The following PSD3 variants were observed in gnomAD, a reference collection of about 807,000 sequenced individuals.
The protein encoded by PSD3 is pleckstrin and Sec7 domain containing 3, also known as PH and SEC7 domain-containing protein 3.
In PSD3, 49 loss-of-function variants were observed where a neutral mutation model predicts 105.5. The ratio of observed to expected loss-of-function variants is 0.46; its 90% CI spans 0.37 to 0.59. The LOEUF is 0.59. Ranked by LOEUF, PSD3 falls within the 20% of genes least tolerant of loss-of-function variation. The pLI, the probability that PSD3 is intolerant of heterozygous loss-of-function variation, is 0.00. For missense variants in PSD3, 1,561 were observed against 1,263.8 expected (o/e 1.24, Z -3.57); for synonymous variants, 557 against 457.8 (o/e 1.22, Z -2.77).
At chr8:18,669,781 G>A (rs535426633) in intron 9 of PSD3, among the ~76,000 whole-genome samples, 8 of 152,320 alleles carry the variant, frequency 5.3e-5, no homozygotes, top group African/African-American at 1.9e-4. Flanking sequence ...GATAAGGGGC[G>A]AATCCCGTAA....
At chr8:18,708,912 G>C (rs751577774) in intron 9 of PSD3, among the ~76,000 whole-genome samples, 1 of 152,166 alleles carries the variant, frequency 6.6e-6, no homozygotes, top group Non-Finnish European at 1.5e-5. Flanking sequence ...GTCAAGGGAG[G>C]TGGAGAGTGA....
At chr8:18,639,093 T>G (rs1271544826) in intron 10 of PSD3, among the ~76,000 whole-genome samples, 1 of 152,198 alleles carries the variant, frequency 6.6e-6, no homozygotes, top group Non-Finnish European at 1.5e-5. Flanking sequence ...ATGGGCAGCC[T>G]ACAGACAGGC....
intron 10 of PSD3, among the ~76,000 whole-genome samples, chr8:18,638,867 C>G (rs1324292676): frequency 6.6e-6 from 1 of 152,130 alleles, no homozygotes; most frequent in African/African-American, 2.4e-5. Flanking sequence ...CAGCATGATA[C>G]TGGTATAAAA....
At chr8:18,860,157 G>A (rs1030593765) in intron 4 of PSD3, among the ~76,000 whole-genome samples, 5 of 152,148 alleles carry the variant, frequency 3.3e-5, no homozygotes, top group African/African-American at 9.7e-5. Flanking sequence ...GGAGGCCCGA[G>A]AAGAGGGAGA....
intron 4 of PSD3, among the ~76,000 whole-genome samples, chr8:18,862,763 C>T (rs928792539): frequency 6.6e-5 from 10 of 151,982 alleles, no homozygotes; most frequent in African/African-American, 2.4e-4. Flanking sequence ...CAAATTTCTA[C>T]TTCTTATTTC....
chr8:18,632,602 AT>A lies in PSD3; in HGVS notation c.2410+10del. 6.3e-7 allele frequency: 1 copy of A among 1,599,148 alleles called. No homozygotes were observed. The highest frequency in any genetic ancestry group is 1.1e-5 in the South Asian group (1 of 87,718). On this transcript the variant is annotated intron_variant, in intron 11 of 15. Transcript: ENST00000327040. ...TAAATGAAATAGAAAATGACAACGC[AT>A]GATACTTACTCTTCTTTCCATCCAT...
chr8:18,731,967 G>A (rs1338552564), intron 9 of PSD3, among the ~76,000 whole-genome samples: 3 of 152,142 alleles, frequency 2.0e-5, no homozygotes, highest in Non-Finnish European at 4.4e-5. Context: ...TGGGTAGCAG[G>A]AAATATTCTT....
chr8:18,654,240 G>C (rs1240449319), intron 10 of PSD3, among the ~76,000 whole-genome samples: 1 of 152,086 alleles, frequency 6.6e-6, no homozygotes, highest in Admixed American at 6.5e-5. Flanking sequence ...AAGTGGTGCT[G>C]ATACTTCAAA....
intron 2 of PSD3, among the ~76,000 whole-genome samples, chr8:18,903,377 G>A (rs1039363434): frequency 4.6e-5 from 7 of 152,144 alleles, no homozygotes; most frequent in African/African-American, 1.2e-4. Context: ...AGGTGCAGTG[G>A]CAGCAAGTAC....
chr8:18,754,271 CT>C (rs1805843188), intron 9 of PSD3, among the ~76,000 whole-genome samples: 1 of 151,810 alleles, frequency 6.6e-6, no homozygotes, highest in African/African-American at 2.4e-5. Flanking sequence ...GTAATCCCAA[CT>C]ACTCGGGAGG....
In PSD3 at chr8:18,872,664, T is replaced by C. The variant is rs974539427; in HGVS notation, c.200A>G (p.Glu67Gly). 1.2e-6 allele frequency: 2 copies of C among 1,604,940 alleles called. No individual in the cohort carries two copies. Among genetic ancestry groups the C allele is most frequent in the Non-Finnish European group, 1.7e-6 (2 of 1,177,352 alleles). The part of the protein sequence containing the change: ...TNEFPEYGTM[E>G]EGGEGLRASL... The stretch of plus-strand genomic sequence containing the variant: ...AGCCCTTAGGCCTTCTCCACCTTCC[T>C]CCATGGTCCCATATTCTGGAAATTC... Residue 67 changes from glutamate (E) to glycine (G), a missense_variant, in exon 3 of 16, where the codon GAG becomes GGG. Transcript: ENST00000327040.
At chr8:18,566,835 A>T (rs966258072) in intron 14 of PSD3, among the ~76,000 whole-genome samples, 2 of 152,200 alleles carry the variant, frequency 1.3e-5, no homozygotes, top group African/African-American at 4.8e-5. Flanking sequence ...GAAGGAAAAC[A>T]TTTTTAAAAA....
intron 15 of PSD3, among the ~76,000 whole-genome samples, chr8:18,553,792 G>A (rs1175883811): frequency 6.6e-6 from 1 of 152,154 alleles, no homozygotes; most frequent in African/African-American, 2.4e-5. Context: ...GATGACAGCT[G>A]AAATTTTCCC....
intron 11 of PSD3, among the ~76,000 whole-genome samples, chr8:18,603,886 G>C (rs1804619158): frequency 6.6e-6 from 1 of 152,164 alleles, no homozygotes; most frequent in Non-Finnish European, 1.5e-5. Flanking sequence ...GGCCTTCCCA[G>C]AAGCTGAACA....
rs1433109848 is a variant in PSD3, at chr8:18,529,706, C to G, written c.*6037G>C. 6.6e-6 allele frequency: 1 copy of G among 152,604 alleles called. No individual in the cohort carries two copies. The highest frequency in any genetic ancestry group is 1.5e-5 in the Non-Finnish European group (1 of 68,044). The allele number at this position is 152,604 out of a possible 1,614,324, so 9.5% of individuals were successfully genotyped here. ...TATTATTATCCATATCAAATGGTTA[C>G]TTGGCTTTATAAACTCCATGGCTTT... On this transcript the variant is annotated 3_prime_UTR_variant, in exon 16 of 16. Coordinates refer to ENST00000327040, the MANE Select transcript of PSD3 (RefSeq NM_015310.4).
chr8:18,693,350 C>T (rs570311098), intron 9 of PSD3, among the ~76,000 whole-genome samples: 4 of 152,300 alleles, frequency 2.6e-5, no homozygotes, highest in South Asian at 4.1e-4. Context: ...GGCAGCAAAG[C>T]GCAATGGCTA....
chr8:19,007,373 TTTAAA>T (rs1465284858), intron 1 of PSD3, among the ~76,000 whole-genome samples: 1 of 152,112 alleles, frequency 6.6e-6, no homozygotes, highest in African/African-American at 2.4e-5. Flanking sequence ...CCTGAAGCTA[TTTAAA>T]TTATCGAAAT....
intron 8 of PSD3, among the ~76,000 whole-genome samples, chr8:18,798,119 C>T (rs1057446252): frequency 1.3e-5 from 2 of 152,136 alleles, no homozygotes; most frequent in Non-Finnish European, 2.9e-5. Context: ...TTGCGGTAGT[C>T]ATGTCAAGAT....
intron 2 of PSD3, among the ~76,000 whole-genome samples, chr8:18,878,528 G>A (rs941119902): frequency 7.2e-5 from 11 of 152,116 alleles, no homozygotes; most frequent in African/African-American, 2.7e-4. Flanking sequence ...AATACACACT[G>A]GAAATAAGCT....
Sources: gnomAD v4.1 joint callset for allele counts (sites outside exome capture counted in the v4.1 genomes callset) on GRCh38, gnomAD v4.1.1 for gene constraint, MANE v1.5 for transcripts, NCBI Gene and HGNC (gene_info 2026-07-23, HGNC 2026-07-21) for gene names.